Variants in TENT4B observed in about 807,000 individuals in gnomAD.
TENT4B encodes the protein terminal nucleotidyltransferase 4B, also known as PAP associated domain containing 5.
A neutral mutation model predicts 75.0 loss-of-function variants in TENT4B; 10 were observed. The observed-to-expected ratio is 0.13, with a 90% CI of 0.08 to 0.23. The LOEUF (loss-of-function observed/expected upper bound fraction) is 0.23. Ranked by LOEUF, TENT4B falls within the 10% of genes least tolerant of loss-of-function variation. The probability of loss-of-function intolerance (pLI) is 1.00; values close to 1 mark genes in which losing one functional copy is unlikely to be tolerated. For missense variants in TENT4B, 579 were observed against 893.8 expected, an observed-to-expected ratio of 0.65 and a Z score of 4.49; for synonymous variants, 350 against 357.7, an observed-to-expected ratio of 0.98 and a Z score of 0.24.
In TENT4B at chr16:50,233,231, GATTTATAT is replaced by G. The variant is rs2032347953; in HGVS notation, c.*3906_*3913del. ...ATTCCAGCATTAAAGTGGGAACAAA[GATTTATAT>G]ATGAAATTCCTTAAAAGAGTTCATC... On this transcript the variant is annotated 3_prime_UTR_variant, in exon 12 of 12. Coordinates refer to ENST00000561678, the MANE Select transcript of TENT4B (RefSeq NM_001365324.3). 1.0e-6 allele frequency: 1 copy of G among 985,058 alleles called. No individual in the cohort carries two copies. The highest frequency in any genetic ancestry group is 1.7e-5 in the African/African-American group (1 of 57,214). 61.0% of individuals were successfully genotyped at this position (985,058 alleles called of 1,614,324 possible). A position where few individuals can be genotyped will look rare whatever the true frequency, so the allele number is the denominator to read the frequency against.
rs1018667842 is a variant in TENT4B, at chr16:50,172,170, TAGAACCCC to T, written c.638+17913_638+17920del. On this transcript the variant is annotated intron_variant, in intron 1 of 11. Coordinates refer to ENST00000561678, the MANE Select transcript of TENT4B (RefSeq NM_001365324.3). ...TTTGAGACCAACCTGGCTAACATGG[TAGAACCCC>T]ACCTCTACTAAACAGAAGTACAGAA... Among the ~76,000 whole-genome samples the T allele has an allele frequency of 2.8e-4, 42 of 152,202 alleles. 1 individual carries two copies. Among genetic ancestry groups the T allele is most frequent in the African/African-American group, 1.0e-3 (42 of 41,522 alleles).
intron 1 of TENT4B, among the ~76,000 whole-genome samples, chr16:50,207,716 A>G (rs906074176): frequency 6.6e-6 from 1 of 152,174 alleles, no homozygotes; most frequent in Non-Finnish European, 1.5e-5. Flanking sequence ...GAGAAACTGA[A>G]GTTTTCTCTG....
intron 1 of TENT4B, among the ~76,000 whole-genome samples, chr16:50,159,246 G>GTTT (rs71138048): frequency 7.3e-6 from 1 of 136,430 alleles, no homozygotes; most frequent in East Asian, 2.1e-4. Flanking sequence ...CTCTCTTTCT[G>GTTT]TTTTTTTTTT....
intron 1 of TENT4B, among the ~76,000 whole-genome samples, chr16:50,166,080 C>CT (rs34403390): frequency 0.043 from 5,007 of 117,528 alleles, 172 homozygotes; most frequent in African/African-American, 0.076. Flanking sequence ...CTTGACAGCA[C>CT]TTTTTTTTTT....
rs2032328090 is a variant in TENT4B, at chr16:50,232,537, A to G, written c.*3209A>G. The stretch of plus-strand genomic sequence containing the variant: ...GTGTTTTCTGCTCCTTCCCTCCCCC[A>G]TGAAATGGTAAGTGTGACTTGTGTT... On this transcript the variant is annotated 3_prime_UTR_variant, in exon 12 of 12. Coordinates refer to ENST00000561678, the MANE Select transcript of TENT4B (RefSeq NM_001365324.3). The G allele has an allele frequency of 1.0e-5, 10 of 985,136 alleles. No homozygotes were observed. The highest frequency in any genetic ancestry group is 1.2e-5 in the Non-Finnish European group (10 of 829,884). The allele number at this position is 985,136 out of a possible 1,614,324, so 61.0% of individuals were successfully genotyped here.
chr16:50,191,415 A>AAAT (rs2038636357), intron 1 of TENT4B, among the ~76,000 whole-genome samples: 1 of 152,160 alleles, frequency 6.6e-6, no homozygotes, highest in East Asian at 1.9e-4. Context: ...GCTACTTTTA[A>AAAT]AGTATGTTTA....
chr16:50,181,239 T>C (rs1340019703), intron 1 of TENT4B, among the ~76,000 whole-genome samples: 1 of 151,888 alleles, frequency 6.6e-6, no homozygotes, highest in African/African-American at 2.4e-5. Context: ...ACAAAGGAGG[T>C]GTGTTTGTGG....
chr16:50,234,288 G>C lies in TENT4B; in HGVS notation c.*4960G>C. On this transcript the variant is annotated 3_prime_UTR_variant, in exon 12 of 12. Coordinates refer to ENST00000561678, the MANE Select transcript of TENT4B (RefSeq NM_001365324.3). ...CTCTTAAAAAAACAAACAAAAACCT[G>C]AATGGTGAGGTGTGGTGGAATTGGG... 2.5e-5 allele frequency: 25 copies of C among 985,440 alleles called. No individual in the cohort carries two copies. The highest frequency in any genetic ancestry group is 2.5e-5 in the Non-Finnish European group (21 of 829,978). 61.0% of individuals were successfully genotyped at this position (985,440 alleles called of 1,614,324 possible).
chr16:50,230,674 T>C lies in TENT4B; in HGVS notation c.*1346T>C, dbSNP rs2032264268. The C allele has an allele frequency of 1.0e-6, 1 of 985,582 alleles. No individual in the cohort carries two copies. Among genetic ancestry groups the C allele is most frequent in the South Asian group, 4.7e-5 (1 of 21,292 alleles). The allele number at this position is 985,582 out of a possible 1,614,324, so 61.1% of individuals were successfully genotyped here. A position where few individuals can be genotyped will look rare whatever the true frequency, so the allele number is the denominator to read the frequency against. On this transcript the variant is annotated 3_prime_UTR_variant, in exon 12 of 12. Transcript: ENST00000561678. ...GAATTGTTATCGTTAATTAAAACTT[T>C]TTTAAACATTGGCTTGTTTCAATCA...
chr16:50,160,970 G>A (rs555416548), intron 1 of TENT4B, among the ~76,000 whole-genome samples: 2 of 152,228 alleles, frequency 1.3e-5, no homozygotes, highest in East Asian at 3.9e-4. Flanking sequence ...ATGCTTTTTT[G>A]AAGAATTAGA....
At chr16:50,201,015 G>T (rs1176618074) in intron 1 of TENT4B, among the ~76,000 whole-genome samples, 1 of 151,796 alleles carries the variant, frequency 6.6e-6, no homozygotes, top group African/African-American at 2.4e-5. Flanking sequence ...TTACCCAGGT[G>T]GTCTTGAACT....
At chr16:50,201,498 C>G (rs1280159611) in intron 1 of TENT4B, among the ~76,000 whole-genome samples, 1 of 151,568 alleles carries the variant, frequency 6.6e-6, no homozygotes, top group Non-Finnish European at 1.5e-5. Context: ...GATCGCGCCA[C>G]TGCACTCCAA....
Position 50,166,094 on chromosome 16 carries a change from T to G in TENT4B, c.638+11835T>G, listed in dbSNP as rs955114665. On this transcript the variant is annotated intron_variant, in intron 1 of 11. Transcript: ENST00000561678. ...ACTTGACAGCACTTTTTTTTTTTTTTTTTTTTGAGGTGAAGTCTTGCTTTA... is the reference window on the plus strand; with the variant it reads ...ACTTGACAGCACTTTTTTTTTTTTTGTTTTTTGAGGTGAAGTCTTGCTTTA... 3.0e-4 allele frequency among the ~76,000 whole-genome samples: 46 copies of G among 151,468 alleles called. No individual in the cohort carries two copies. The East Asian group carries it at 6.0e-3, about 20-fold the overall frequency.
intron 1 of TENT4B, among the ~76,000 whole-genome samples, chr16:50,167,177 C>T (rs2038117340): frequency 6.6e-6 from 1 of 152,122 alleles, no homozygotes; most frequent in African/African-American, 2.4e-5. Context: ...TCTTGGGCCA[C>T]ACATAAAATA....
rs972456633 is a variant in TENT4B at position 50,164,027 on chromosome 16, C to T, written c.638+9768C>T. 2.6e-5 allele frequency among the ~76,000 whole-genome samples: 4 copies of T among 151,744 alleles called. No homozygotes were observed. In the East Asian group the frequency reaches 5.9e-4, roughly 23 times the overall value. On this transcript the variant is annotated intron_variant, in intron 1 of 11. Transcript: ENST00000561678. ...ACAAAATTAGCCGGGCGTGGTGGCACGTGCCTGTAATTCCAGCTACTTGGG... is the reference window on the plus strand; with the variant it reads ...ACAAAATTAGCCGGGCGTGGTGGCATGTGCCTGTAATTCCAGCTACTTGGG...
chr16:50,215,920 T>C (rs1596738406), intron 3 of TENT4B, among the ~76,000 whole-genome samples, 155 bp from the exon 4 acceptor site: 1 of 152,194 alleles, frequency 6.6e-6, no homozygotes, highest in South Asian at 2.1e-4. Context: ...CTATTTCCCT[T>C]CTCCACAAAA....
chr16:50,227,844 C>T lies in TENT4B; in HGVS notation c.1806C>T (p.Ser602=), dbSNP rs75174826. The T allele has an allele frequency of 3.2e-4, 512 of 1,613,902 alleles. 3 individuals are homozygous for T. The East Asian group carries it at 0.01, about 33-fold the overall frequency. ...ATQSSSSDVD[S]DATPCKTPKQ... ...ACTCACGTGACTTGTGTTAGGATTCCGATGCAACACCATGCAAAACCCCGA... is the reference window on the plus strand; with the variant it reads ...ACTCACGTGACTTGTGTTAGGATTCTGATGCAACACCATGCAAAACCCCGA... Residue 602 remains serine (S), a synonymous_variant, in exon 11 of 12, where the codon TCC becomes TCT. Transcript: ENST00000561678.
chr16:50,153,302 C>G (rs1188779078), upstream of TENT4B, among the ~76,000 whole-genome samples: 3 of 143,248 alleles, frequency 2.1e-5, no homozygotes, highest in Non-Finnish European at 4.6e-5. Flanking sequence ...CGCCGCCGCT[C>G]GCTCTTCTGT....
At chr16:50,176,332 G>A (rs557132709) in intron 1 of TENT4B, among the ~76,000 whole-genome samples, 12 of 150,858 alleles carry the variant, frequency 8.0e-5, no homozygotes, top group Admixed American at 6.6e-5. Flanking sequence ...TGATCTGCCC[G>A]CCTCCGTCTC....
Sources: gnomAD v4.1 joint callset for allele counts (sites outside exome capture counted in the v4.1 genomes callset) on GRCh38, gnomAD v4.1.1 for gene constraint, MANE v1.5 for transcripts, NCBI Gene and HGNC (gene_info 2026-07-23, HGNC 2026-07-21) for gene names.